Variants in ACOX3 observed in about 807,000 individuals in gnomAD.
The protein encoded by ACOX3 is acyl-CoA oxidase 3, pristanoyl.
In ACOX3, 73 loss-of-function variants were observed where a neutral mutation model predicts 81.5. That is an observed-to-expected ratio of 0.90 (90% CI 0.74 to 1.09). ACOX3 has a LOEUF of 1.09. Ranked by LOEUF, ACOX3 falls within the 50% of genes least tolerant of loss-of-function variation. The pLI, the probability that ACOX3 is intolerant of heterozygous loss-of-function variation, is 0.00. For missense variants in ACOX3, 947 were observed against 928.0 expected (o/e 1.02, Z -0.27); for synonymous variants, 387 against 375.1 (o/e 1.03, Z -0.37).
chr4:8,429,643 A>C (rs1323675197), intron 1 of ACOX3, among the ~76,000 whole-genome samples: 2 of 152,220 alleles, frequency 1.3e-5, no homozygotes, highest in East Asian at 3.9e-4. Flanking sequence ...TCTCTTAGCG[A>C]AGGGAGAGTT....
intron 1 of ACOX3, among the ~76,000 whole-genome samples, chr4:8,433,062 T>C (rs1459730803): frequency 6.6e-6 from 1 of 152,202 alleles, no homozygotes; most frequent in African/African-American, 2.4e-5. Flanking sequence ...GTAGACACTA[T>C]TTCCAGCCCC....
chr4:8,391,083 T>A (rs1718945153), intron 11 of ACOX3, among the ~76,000 whole-genome samples: 1 of 120,554 alleles, frequency 8.3e-6, no homozygotes, highest in Non-Finnish European at 1.9e-5. Context: ...ATGATTAATC[T>A]TGATTCCATC....
Position 8,432,818 on chromosome 4 carries a change from CAGGTG to C in ACOX3, c.-15+7825_-15+7829del, listed in dbSNP as rs1044321812. On this transcript the variant is annotated intron_variant, in intron 1 of 17. Transcript: ENST00000356406. This position sits in a 1 kb window ranked among gnomAD's most constrained non-coding sequence, Gnocchi z 6.2. The stretch of plus-strand genomic sequence containing the variant: ...CAGAATGGAGGGGCTTTAAGGGTCC[CAGGTG>C]AGTGTCTCTAGTGCTGCATTGTTCA... 2.0e-5 allele frequency among the ~76,000 whole-genome samples: 3 copies of C among 152,228 alleles called. No individual in the cohort carries two copies. Among genetic ancestry groups the C allele is most frequent in the Non-Finnish European group, 2.9e-5 (2 of 68,038 alleles).
chr4:8,371,225 G>T (rs1220850370), intron 16 of ACOX3, among the ~76,000 whole-genome samples: 1 of 152,150 alleles, frequency 6.6e-6, no homozygotes, highest in Non-Finnish European at 1.5e-5. Flanking sequence ...TCTAGGGCTT[G>T]TTTCTTCCCA....
Position 8,381,416 on chromosome 4 carries a change from C to T in ACOX3, c.1653+76G>A. Reference sequence around the variant, plus strand: ...CTGGGGCCTGAATTGCCAGGATGTTCAAACTCCCAGGGACACAACGGCCAG... The same window carrying T: ...CTGGGGCCTGAATTGCCAGGATGTTTAAACTCCCAGGGACACAACGGCCAG... On this transcript the variant is annotated intron_variant, in intron 14 of 17. Coordinates refer to ENST00000356406, the MANE Select transcript of ACOX3 (RefSeq NM_003501.3). This position sits in a 1 kb window ranked among gnomAD's most constrained non-coding sequence, Gnocchi z 4.3. 7.2e-7 allele frequency: 1 copy of T among 1,396,770 alleles called. No individual in the cohort carries two copies. 86.5% of individuals were successfully genotyped at this position (1,396,770 alleles called of 1,614,324 possible). A position where few individuals can be genotyped will look rare whatever the true frequency, so the allele number is the denominator to read the frequency against.
chr4:8,385,289 C>T lies in ACOX3; in HGVS notation c.1538-3682G>A, dbSNP rs183661935. On this transcript the variant is annotated intron_variant, in intron 13 of 17. Transcript: ENST00000356406. This position sits in a 1 kb window ranked among gnomAD's most constrained non-coding sequence, Gnocchi z 5.5. The stretch of plus-strand genomic sequence containing the variant: ...TCACCATGCACTCCACGTGACCTCA[C>T]CGCTCCCCCACGTGACTCCACCGCT... 2.0e-4 allele frequency among the ~76,000 whole-genome samples: 31 copies of T among 152,006 alleles called. No individual in the cohort carries two copies. The East Asian group carries it at 3.5e-3, about 17-fold the overall frequency.
At chr4:8,413,828 C>G (rs566043355) in intron 5 of ACOX3, among the ~76,000 whole-genome samples, 28 of 152,354 alleles carry the variant, frequency 1.8e-4, no homozygotes, top group African/African-American at 6.7e-4. Flanking sequence ...GGCAAGGACC[C>G]GAGGAGTCAG....
rs770463046 is a variant in ACOX3, at chr4:8,415,758, A to G, written c.378+8T>C. On this transcript the variant is annotated splice_region_variant and intron_variant, in intron 3 of 17. Coordinates refer to ENST00000356406, the MANE Select transcript of ACOX3 (RefSeq NM_003501.3). ...GCCGTTTCCCTCTCCCCTAGGCCGC[A>G]TGCTCACCAAGCTATGGAGGAGGTA... The G allele has an allele frequency of 5.0e-6, 8 of 1,612,846 alleles. No individual in the cohort carries two copies. The South Asian group carries it at 5.5e-5, about 11-fold the overall frequency.
At chr4:8,378,479 C>T (rs1395483409) in intron 14 of ACOX3, among the ~76,000 whole-genome samples, 1 of 152,142 alleles carries the variant, frequency 6.6e-6, no homozygotes, top group African/African-American at 2.4e-5. Flanking sequence ...AGGGGTTGGT[C>T]CCAGGCTGGA....
rs146841304 is a variant in ACOX3 at position 8,386,969 on chromosome 4, C to A, written c.1537+2204G>T. Reference sequence around the variant, plus strand: ...GTCCTCCATGTGTGCCTGTCCCCTGCATGAGGGAGGCCAGTGCTCCCTCCT... The same window carrying A: ...GTCCTCCATGTGTGCCTGTCCCCTGAATGAGGGAGGCCAGTGCTCCCTCCT... On this transcript the variant is annotated intron_variant, in intron 13 of 17. Coordinates refer to ENST00000356406, the MANE Select transcript of ACOX3 (RefSeq NM_003501.3). This position sits in a 1 kb window ranked among gnomAD's most constrained non-coding sequence, Gnocchi z 5.2. Among the ~76,000 whole-genome samples, 156 of 152,362 alleles carry A rather than the reference C, an allele frequency of 1.0e-3. 2 individuals carry two copies. Among genetic ancestry groups the A allele is most frequent in the African/African-American group, 3.6e-3 (150 of 41,592 alleles).
chr4:8,387,307 G>A (rs923263377), intron 13 of ACOX3, among the ~76,000 whole-genome samples: 3 of 152,242 alleles, frequency 2.0e-5, no homozygotes, highest in Non-Finnish European at 4.4e-5. Context: ...GGGACTTGGT[G>A]TAGGTTCCAC....
In ACOX3 at chr4:8,374,926, A is replaced by T. The variant is rs1210017308; in HGVS notation, c.1828+52T>A. The T allele has an allele frequency of 1.3e-5, 19 of 1,452,746 alleles. No homozygotes were observed. The East Asian group carries it at 4.3e-4, about 33-fold the overall frequency. 90.0% of individuals were successfully genotyped at this position (1,452,746 alleles called of 1,614,324 possible). ...CAGGAAGCAGCTTCCTAGATACAAC[A>T]CGGGGGCCCTGACTCTGGGGAGGAC... On this transcript the variant is annotated intron_variant, in intron 15 of 17. Coordinates refer to ENST00000356406, the MANE Select transcript of ACOX3 (RefSeq NM_003501.3).
chr4:8,430,504 T>C lies in ACOX3; in HGVS notation c.-15+10144A>G, dbSNP rs1413409847. Among the ~76,000 whole-genome samples, 1 of 152,220 alleles carries C rather than the reference T, an allele frequency of 6.6e-6. No homozygotes were observed. Among genetic ancestry groups the C allele is most frequent in the African/African-American group, 2.4e-5 (1 of 41,458 alleles). ...AACTCACACCTCCTTTAGGTCACAATTTCTGCCAAAATTACAACTACTAAT... is the reference window on the plus strand; with the variant it reads ...AACTCACACCTCCTTTAGGTCACAACTTCTGCCAAAATTACAACTACTAAT... On this transcript the variant is annotated intron_variant, in intron 1 of 17. Transcript: ENST00000356406. The surrounding 1 kb of genome is among the most constrained non-coding windows in gnomAD (Gnocchi z 5.2).
chr4:8,386,476 G>C lies in ACOX3; in HGVS notation c.1537+2697C>G, dbSNP rs2108843005. Among the ~76,000 whole-genome samples the C allele has an allele frequency of 6.6e-6, 1 of 151,048 alleles. No homozygotes were observed. The highest frequency in any genetic ancestry group is 2.0e-4 in the East Asian group (1 of 5,080). The stretch of plus-strand genomic sequence containing the variant: ...AGCTACTCCGGAGGCTGAGGCAGGA[G>C]AATGGCGAGAACCTGGGAGGTGGAG... On this transcript the variant is annotated intron_variant, in intron 13 of 17. Coordinates refer to ENST00000356406, the MANE Select transcript of ACOX3 (RefSeq NM_003501.3). The surrounding 1 kb of genome is among the most constrained non-coding windows in gnomAD (Gnocchi z 5.2).
At chr4:8,436,567 G>C (rs1376369786) in intron 1 of ACOX3, among the ~76,000 whole-genome samples, 2 of 152,170 alleles carry the variant, frequency 1.3e-5, no homozygotes, top group Non-Finnish European at 2.9e-5. Context: ...AGGCACTTCT[G>C]CAGAGGCTAA....
intron 7 of ACOX3, among the ~76,000 whole-genome samples, chr4:8,401,817 G>C (rs894810355): frequency 2.6e-5 from 4 of 152,206 alleles, no homozygotes; most frequent in Non-Finnish European, 4.4e-5. Context: ...TTCTCTCCTG[G>C]CCTCATGCCC....
In ACOX3 at chr4:8,385,790, T is replaced by C. The variant is rs980390013; in HGVS notation, c.1537+3383A>G. Among the ~76,000 whole-genome samples the C allele has an allele frequency of 7.2e-5, 11 of 152,200 alleles. No homozygotes were observed. The highest frequency in any genetic ancestry group is 2.7e-4 in the African/African-American group (11 of 41,452). On this transcript the variant is annotated intron_variant, in intron 13 of 17. Transcript: ENST00000356406. The surrounding 1 kb of genome is among the most constrained non-coding windows in gnomAD (Gnocchi z 5.5). ...GGGCCCCACATCACTTAAACAGCTT[T>C]TACCAAAGATCCACATGACGCAGGC...
chr4:8,409,917 A>AGCTGTCTGTGCACTGTGGGCGCG (rs1451989496), intron 6 of ACOX3, among the ~76,000 whole-genome samples: 2 of 128,180 alleles, frequency 1.6e-5, no homozygotes, highest in Non-Finnish European at 3.3e-5. Context: ...CTGTGGGCGG[A>AGCTGTCTGTGCACTGTGGGCGCG]GCTGTCTGTG....
chr4:8,417,991 A>T (rs888708852), intron 1 of ACOX3, among the ~76,000 whole-genome samples: 3 of 152,240 alleles, frequency 2.0e-5, no homozygotes, highest in Non-Finnish European at 2.9e-5. Flanking sequence ...GCCTTATGAA[A>T]AACTGAAAAT....
Sources: allele counts gnomAD v4.1 joint callset (sites outside exome capture counted in the v4.1 genomes callset), GRCh38; gene constraint gnomAD v4.1.1; non-coding constraint Gnocchi (gnomAD v3.1); transcripts MANE v1.5; gene names NCBI Gene and HGNC (gene_info 2026-07-23, HGNC 2026-07-21).